RTF1: variants seen among roughly 807,000 people sequenced by gnomAD.
RTF1 encodes RTF1 homolog, Paf1/RNA polymerase II complex component.
Under a neutral mutation model 95.7 loss-of-function variants are expected in RTF1, and 10 were observed. The ratio of observed to expected loss-of-function variants is 0.10; its 90% confidence interval spans 0.06 to 0.18. The LOEUF (loss-of-function observed/expected upper bound fraction) is 0.18. Among genes scored for constraint, RTF1 ranks in the 10% least tolerant of loss-of-function variants. The pLI is 1.00. For synonymous variants in RTF1, 305 were observed against 311.8 expected (o/e 0.98, Z 0.23); for missense variants, 458 against 875.6 (o/e 0.52, Z 6.02).
chr15:41,465,114 TC>T (rs1175667847), intron 5 of RTF1, among the ~76,000 whole-genome samples: 8 of 152,034 alleles, frequency 5.3e-5, no homozygotes, highest in Non-Finnish European at 1.2e-4. Context: ...TTTTCTTTCT[TC>T]TTTCTTTTTC....
intron 2 of RTF1, among the ~76,000 whole-genome samples, 159 bp from the exon 3 acceptor site, chr15:41,452,742 A>AT (rs1566843047): frequency 3.2e-4 from 48 of 152,222 alleles, no homozygotes; most frequent in Middle Eastern, 3.4e-3. Context: ...TCAAAAAAAA[A>AT]ATTTTTTTTT....
intron 8 of RTF1, among the ~76,000 whole-genome samples, chr15:41,472,057 C>A (rs949883087): frequency 9.2e-5 from 14 of 151,454 alleles, no homozygotes; most frequent in Admixed American, 4.0e-4. Context: ...TGCCACCACA[C>A]CTGGCTAATT....
At chr15:41,448,325 CATT>C (rs1231786004) in intron 2 of RTF1, among the ~76,000 whole-genome samples, 1 of 151,780 alleles carries the variant, frequency 6.6e-6, no homozygotes. Flanking sequence ...GATCATTTAT[CATT>C]GAGTGGTGGC....
rs1382520663 is a variant in RTF1 at position 41,438,397 on chromosome 15, C to T, written c.275C>T (p.Ser92Leu). Reference protein sequence around the residue: ...KEPPVSQPAASSDSETSDSDD... With the variant: ...KEPPVSQPAALSDSETSDSDD... The stretch of plus-strand genomic sequence containing the variant: ...CCGCCTGTGAGTCAGCCTGCAGCCT[C>T]GTCAGACTCGGAGACGTCTGACAGT... The change falls in exon 2 of 18, where the codon TCG (serine) becomes TTG (leucine). Residue 92 changes from serine to leucine, a missense_variant. Ser to Leu is a moderately radical substitution (Grantham distance 145). This residue lies in a region of RTF1 where 44 missense variants were observed against 99.5 expected (regional missense o/e 0.44). Transcript: ENST00000389629. The T allele has an allele frequency of 6.4e-6, 10 of 1,550,994 alleles. No individual in the cohort carries two copies. The highest frequency in any genetic ancestry group is 2.7e-5 in the African/African-American group (2 of 73,038).
Position 41,452,987 on chromosome 15 carries a change from A to C in RTF1, c.396A>C (p.Lys132Asn). 1 of 1,612,734 alleles carries C rather than the reference A, an allele frequency of 6.2e-7. No individual in the cohort carries two copies. Among genetic ancestry groups the C allele is most frequent in the Non-Finnish European group, 8.5e-7 (1 of 1,179,650 alleles). ...GAACCATGAAGAAACAGGCCAACAA[A>C]ACTGCCTCCTCAGGCAGTTCAGACA... ...KKGTMKKQAN[K>N]TASSGSSDKD... The change falls in exon 3 of 18, where the codon AAA becomes AAC. Residue 132 changes from lysine to asparagine, a missense_variant. Transcript: ENST00000389629.
intron 1 of RTF1, among the ~76,000 whole-genome samples, chr15:41,436,163 C>G (rs1220489443): frequency 6.6e-6 from 1 of 151,704 alleles, no homozygotes; most frequent in Non-Finnish European, 1.5e-5. Context: ...AAAAATTAGC[C>G]AGGCATGGCT....
chr15:41,463,259 T>G (rs1012134510), intron 4 of RTF1, among the ~76,000 whole-genome samples: 1 of 152,242 alleles, frequency 6.6e-6, no homozygotes, highest in Non-Finnish European at 1.5e-5. Flanking sequence ...TCCTCCTTTT[T>G]GCTATTGTGA....
intron 7 of RTF1, among the ~76,000 whole-genome samples, chr15:41,470,816 G>A (rs564403426): frequency 6.6e-6 from 1 of 151,854 alleles, no homozygotes; most frequent in Admixed American, 6.6e-5. Flanking sequence ...CCGCCACTAC[G>A]CCCGGCTAAT....
chr15:41,483,306 G>A lies in RTF1; in HGVS notation c.*2619G>A, dbSNP rs971574689. 1.4e-4 allele frequency: 21 copies of A among 152,600 alleles called. No individual in the cohort carries two copies. The highest frequency in any genetic ancestry group is 5.1e-4 in the African/African-American group (21 of 41,416). 9.5% of individuals were successfully genotyped at this position (152,600 alleles called of 1,614,324 possible). ...CTCCTCCCTCCACAGTGTGGTTTCA[G>A]TGTTGAAGGGTGCAGCACCCAAGGT... On this transcript the variant is annotated 3_prime_UTR_variant, in exon 18 of 18. Coordinates refer to ENST00000389629, the MANE Select transcript of RTF1 (RefSeq NM_015138.5).
Position 41,480,343 on chromosome 15 carries a change from G to T in RTF1, c.2026+18G>T. 6.6e-7 allele frequency: 1 copy of T among 1,514,868 alleles called. No individual in the cohort carries two copies. The highest frequency in any genetic ancestry group is 9.2e-7 in the Non-Finnish European group (1 of 1,089,608). The allele number at this position is 1,514,868 out of a possible 1,614,324, so 93.8% of individuals were successfully genotyped here. On this transcript the variant is annotated intron_variant, in intron 17 of 17. Transcript: ENST00000389629. ...CAGCTCAGGTATGTGAGGGTGGGGC[G>T]GGTGGTGAGGGCTGAGAACCAGATG...
rs184676257 is a variant in RTF1, at chr15:41,418,076, T to G, written c.198+763T>G. Among the ~76,000 whole-genome samples, 118 of 152,306 alleles carry G rather than the reference T, an allele frequency of 7.7e-4. 1 individual carries two copies. The highest frequency in any genetic ancestry group is 6.0e-3 in the Admixed American group (91 of 15,294). ...CCAGAATTCTTTCTTACTTGAAGAC[T>G]GCAGGAAGCACTGAAAGTAACTTTT... is the stretch of plus-strand genomic sequence containing the variant. On this transcript the variant is annotated intron_variant, in intron 1 of 17. Coordinates refer to ENST00000389629, the MANE Select transcript of RTF1 (RefSeq NM_015138.5).
chr15:41,480,593 T>C lies in RTF1; in HGVS notation c.2039T>C (p.Leu680Ser), dbSNP rs1450726883. 1 of 1,613,712 alleles carries C rather than the reference T, an allele frequency of 6.2e-7. No homozygotes were observed. The highest frequency in any genetic ancestry group is 8.5e-7 in the Non-Finnish European group (1 of 1,179,610). The change falls in exon 18 of 18, where the codon TTA becomes TCA. Residue 680 changes from leucine to serine, a missense_variant. Around this residue, in one of 11 missense-constraint regions of RTF1, gnomAD observed 50 missense variants for 100.0 expected, o/e 0.50. Transcript: ENST00000389629. ...TTCTTTCCCACAGAGTCAAAGGCTTTAGCCATCACCTCCAAGGCTCCGCCA... is the reference window on the plus strand; with the variant it reads ...TTCTTTCCCACAGAGTCAAAGGCTTCAGCCATCACCTCCAAGGCTCCGCCA... ...LQVPSSESKA[L>S]AITSKAPPAK...
intron 1 of RTF1, among the ~76,000 whole-genome samples, chr15:41,426,435 A>G (rs918866293): frequency 4.0e-5 from 6 of 151,848 alleles, no homozygotes; most frequent in Non-Finnish European, 8.8e-5. Flanking sequence ...CCTCCCGAGT[A>G]GCTGGGACTA....
chr15:41,426,468 A>G (rs889721246), intron 1 of RTF1, among the ~76,000 whole-genome samples: 5 of 151,430 alleles, frequency 3.3e-5, no homozygotes, highest in Admixed American at 1.3e-4. Context: ...ACCATGCCTG[A>G]CTAATTTTTT....
intron 1 of RTF1, among the ~76,000 whole-genome samples, chr15:41,423,336 A>C (rs1332962707): frequency 6.6e-6 from 1 of 151,732 alleles, no homozygotes; most frequent in Non-Finnish European, 1.5e-5. Context: ...TGTTAATTTC[A>C]CTCTTTTCAA....
chr15:41,451,094 C>T (rs908957771), intron 2 of RTF1, among the ~76,000 whole-genome samples: 7 of 152,132 alleles, frequency 4.6e-5, no homozygotes, highest in African/African-American at 1.7e-4. Flanking sequence ...TACCCAACCC[C>T]ACCCCCTCAA....
chr15:41,459,150 G>T (rs1409993192), intron 4 of RTF1, among the ~76,000 whole-genome samples: 1 of 152,152 alleles, frequency 6.6e-6, no homozygotes, highest in Non-Finnish European at 1.5e-5. Flanking sequence ...GGAGGCTGAG[G>T]TGGGTGGATC....
At chr15:41,445,666 A>C (rs1355389690) in intron 2 of RTF1, among the ~76,000 whole-genome samples, 1 of 152,072 alleles carries the variant, frequency 6.6e-6, no homozygotes, top group Admixed American at 6.6e-5. Flanking sequence ...CTGACATTAA[A>C]TTGCATTTAC....
intron 4 of RTF1, among the ~76,000 whole-genome samples, chr15:41,460,191 C>T (rs1362249303): frequency 3.3e-5 from 5 of 150,456 alleles, no homozygotes; most frequent in Non-Finnish European, 5.9e-5. Flanking sequence ...GGCACGATCT[C>T]GGCTCACTGC....
Sources: gnomAD v4.1 joint callset for allele counts (sites outside exome capture counted in the v4.1 genomes callset) on GRCh38, gnomAD v4.1.1 for gene constraint, gnomAD v4.1.1 regional missense constraint, MANE v1.5 for transcripts, NCBI Gene and HGNC (gene_info 2026-07-23, HGNC 2026-07-21) for gene names.